The following ACVR2A variants were observed in gnomAD, a reference collection of about 807,000 sequenced individuals.
ACVR2A encodes activin receptor type-2A.
ACVR2A carries 7 observed loss-of-function variants against 61.4 expected under a neutral mutation model. The observed-to-expected ratio is 0.11, with a 90% CI of 0.06 to 0.21. ACVR2A has a LOEUF of 0.21. Among genes scored for constraint, ACVR2A ranks in the 10% least tolerant of loss-of-function variants. ACVR2A has a pLI of 1.00. For missense variants in ACVR2A, 322 were observed against 621.7 expected (o/e 0.52, Z 5.13); for synonymous variants, 193 against 208.3 (o/e 0.93, Z 0.63).
chr2:147,854,586 G>A (rs1685522847), intron 1 of ACVR2A, among the ~76,000 whole-genome samples: 2 of 152,206 alleles, frequency 1.3e-5, no homozygotes, highest in South Asian at 4.1e-4. Context: ...ACCTTTGACA[G>A]CCATTAAGAT....
At chr2:147,905,152 T>C (rs917805614) in intron 4 of ACVR2A, among the ~76,000 whole-genome samples, 6 of 152,094 alleles carry the variant, frequency 3.9e-5, no homozygotes, top group African/African-American at 1.2e-4. Flanking sequence ...ATAATCAATT[T>C]TAACAGATTG....
At chr2:147,850,078 C>T (rs74508961) in intron 1 of ACVR2A, among the ~76,000 whole-genome samples, 8,319 of 152,146 alleles carry the variant, frequency 0.055, 299 homozygotes, top group Non-Finnish European at 0.084. Flanking sequence ...TACTAGGGGT[C>T]ACTGGTATGC....
At chr2:147,870,525 G>A (rs879845662) in intron 1 of ACVR2A, among the ~76,000 whole-genome samples, 6 of 152,078 alleles carry the variant, frequency 3.9e-5, no homozygotes, top group African/African-American at 9.7e-5. Context: ...TGGGCTGCCC[G>A]GTATGGAGTT....
chr2:147,923,258 G>C (rs1687428951), intron 9 of ACVR2A, 147 bp downstream of exon 9: 12 of 856,994 alleles, frequency 1.4e-5, no homozygotes, highest in Non-Finnish European at 2.1e-5. Context: ...AGGCAGGGGA[G>C]CAGTGGGTGG....
chr2:147,866,948 G>C (rs148938716), intron 1 of ACVR2A, among the ~76,000 whole-genome samples: 22 of 152,302 alleles, frequency 1.4e-4, no homozygotes, highest in African/African-American at 5.1e-4. Context: ...GGGGAATGCT[G>C]TCATTTTCAG....
intron 1 of ACVR2A, among the ~76,000 whole-genome samples, chr2:147,882,753 G>T (rs1686337629): frequency 6.6e-6 from 1 of 152,076 alleles, no homozygotes; most frequent in South Asian, 2.1e-4. Context: ...TAGATGGATG[G>T]AATCTTGTAA....
intron 4 of ACVR2A, among the ~76,000 whole-genome samples, chr2:147,905,836 C>T (rs950402566): frequency 6.6e-6 from 1 of 151,760 alleles, no homozygotes; most frequent in African/African-American, 2.4e-5. Context: ...AATTCTGTGT[C>T]CAAAAGCAAA....
At chr2:147,857,924 A>G (rs1313539899) in intron 1 of ACVR2A, among the ~76,000 whole-genome samples, 1 of 152,090 alleles carries the variant, frequency 6.6e-6, no homozygotes, top group African/African-American at 2.4e-5. Flanking sequence ...TTATTTTATC[A>G]CCCAGGTATT....
At chr2:147,921,949 T>C (rs576322943) in intron 8 of ACVR2A, among the ~76,000 whole-genome samples, 1 of 152,216 alleles carries the variant, frequency 6.6e-6, no homozygotes, top group African/African-American at 2.4e-5. Context: ...TTATTGCACA[T>C]TTTATATAGT....
chr2:147,891,520 A>G (rs1005225545), intron 1 of ACVR2A, among the ~76,000 whole-genome samples: 11 of 152,070 alleles, frequency 7.2e-5, no homozygotes, highest in Non-Finnish European at 2.9e-5. Flanking sequence ...TGGTAGCAAA[A>G]AAAAAAAAAT....
intron 5 of ACVR2A, among the ~76,000 whole-genome samples, chr2:147,916,820 C>G (rs1476773266): frequency 1.3e-5 from 2 of 151,880 alleles, no homozygotes; most frequent in Non-Finnish European, 2.9e-5. Context: ...GTAGGGTATG[C>G]TAAACATTTT....
intron 1 of ACVR2A, among the ~76,000 whole-genome samples, chr2:147,855,158 G>A (rs1195628091): frequency 6.6e-6 from 1 of 152,182 alleles, no homozygotes; most frequent in Non-Finnish European, 1.5e-5. Flanking sequence ...GGGATTACAG[G>A]TGTGAGCCAC....
chr2:147,893,344 ATC>A (rs1686636991), intron 1 of ACVR2A, among the ~76,000 whole-genome samples: 1 of 152,196 alleles, frequency 6.6e-6, no homozygotes, highest in Non-Finnish European at 1.5e-5. Flanking sequence ...CTGAACAGTC[ATC>A]TACAGATTTT....
chr2:147,865,357 C>G (rs1685826934), intron 1 of ACVR2A, among the ~76,000 whole-genome samples: 1 of 152,166 alleles, frequency 6.6e-6, no homozygotes, highest in South Asian at 2.1e-4. Context: ...TGACATAATT[C>G]TCTCAAAGAT....
chr2:147,895,085 A>T (rs952240965), intron 1 of ACVR2A, among the ~76,000 whole-genome samples: 1 of 152,210 alleles, frequency 6.6e-6, no homozygotes, highest in Non-Finnish European at 1.5e-5. Flanking sequence ...AAATATATGT[A>T]CAAACCAGTC....
intron 4 of ACVR2A, among the ~76,000 whole-genome samples, chr2:147,914,693 G>GATATACCTATCTGCAATATACCTATCTGC (rs1238836606): frequency 6.6e-6 from 1 of 151,938 alleles, no homozygotes; most frequent in African/African-American, 2.4e-5. Context: ...ATGTGTTTAA[G>GATATACCTATCTGCAATATACCTATCTGC]AATGACTGCC....
intron 1 of ACVR2A, among the ~76,000 whole-genome samples, chr2:147,860,642 G>A (rs1215751503): frequency 1.3e-5 from 2 of 152,082 alleles, no homozygotes. Context: ...ATGGTTTTGG[G>A]AAGAAAAAGA....
intron 4 of ACVR2A, among the ~76,000 whole-genome samples, chr2:147,906,108 T>C (rs1686983733): frequency 6.6e-6 from 1 of 152,146 alleles, no homozygotes; most frequent in South Asian, 2.1e-4. Flanking sequence ...GTTTGTTTTT[T>C]TCCTGTGTTC....
rs1313394494 is a variant in ACVR2A at position 147,899,848 on chromosome 2, G to T, written c.478G>T (p.Val160Leu). 1 of 1,613,686 alleles carries T rather than the reference G, an allele frequency of 6.2e-7. No homozygotes were observed. The highest frequency in any genetic ancestry group is 1.7e-5 in the Admixed American group (1 of 59,980). ...GGGGATTGTCATTTGTGCATTTTGG[G>T]TGTACAGGCATCACAAGATGGCCTA... ...IAGIVICAFW[V>L]YRHHKMAYPP... Residue 160 changes from valine to leucine, a missense_variant, in exon 4 of 11, where the codon GTG (valine) becomes TTG (leucine). This residue lies in a region of ACVR2A where 142 missense variants were observed against 200.3 expected (regional missense o/e 0.71). Transcript: ENST00000241416.
Sources: allele counts gnomAD v4.1 joint callset (sites outside exome capture counted in the v4.1 genomes callset), GRCh38; gene constraint gnomAD v4.1.1; regional missense constraint gnomAD v4.1.1; transcripts MANE v1.5; gene names NCBI Gene and HGNC (gene_info 2026-07-23, HGNC 2026-07-21).